The following ABCA13 variants were observed in gnomAD, a reference collection of about 807,000 sequenced individuals.
The protein encoded by ABCA13 is ATP-binding cassette sub-family A member 13.
In ABCA13, 476 loss-of-function variants were observed where a neutral mutation model predicts 478.7. The ratio of observed to expected loss-of-function variants is 0.99; its 90% confidence interval spans 0.92 to 1.07. ABCA13 has a LOEUF of 1.07. Ranked by LOEUF, ABCA13 falls within the 50% of genes least tolerant of loss-of-function variation. The pLI, the probability that ABCA13 is intolerant of heterozygous loss-of-function variation, is 0.00. For synonymous variants in ABCA13, 2,252 were observed against 2,158.9 expected, an observed-to-expected ratio of 1.04 and a Z score of -1.20; for missense variants, 6,060 against 5,910.6, an observed-to-expected ratio of 1.03 and a Z score of -0.83.
At chr7:48,408,594 C>CT (rs1818576239) in intron 39 of ABCA13, among the ~76,000 whole-genome samples, 1 of 152,022 alleles carries the variant, frequency 6.6e-6, no homozygotes, top group Non-Finnish European at 1.5e-5. Context: ...TATTGAAAGT[C>CT]TTAGTCTTTT....
At chr7:48,595,467 T>G (rs1462147506) in intron 58 of ABCA13, among the ~76,000 whole-genome samples, 1 of 152,240 alleles carries the variant, frequency 6.6e-6, no homozygotes, top group Non-Finnish European at 1.5e-5. Context: ...AAATATACTG[T>G]GAATAAGATG....
At chr7:48,350,898 G>T in intron 30 of ABCA13, 79 bp downstream of exon 30, 1 of 1,437,328 alleles carries the variant, frequency 7.0e-7, no homozygotes, top group East Asian at 2.5e-5. Context: ...CTCCCTAAAG[G>T]TGTCTTATGA....
At position 48,516,767 on chromosome 7, in the gene ABCA13, T is replaced by C. The variant is rs773528700; in HGVS notation, c.13683T>C (p.Phe4561=). 6.2e-7 allele frequency: 1 copy of C among 1,613,814 alleles called. No individual in the cohort carries two copies. The highest frequency in any genetic ancestry group is 1.1e-5 in the South Asian group (1 of 91,074). The change falls in exon 52 of 62, where the codon TTT becomes TTC. Residue 4561 remains phenylalanine, a synonymous_variant. Coordinates refer to ENST00000435803, the MANE Select transcript of ABCA13 (RefSeq NM_152701.5). ...LPWMYLMSRI[F]SSSDVAFISY... ...GGATGTACCTGATGTCCAGAATCTTTTCCAGTTCGGACGTGGCTTTCATTT... is the reference window on the plus strand; with the variant it reads ...GGATGTACCTGATGTCCAGAATCTTCTCCAGTTCGGACGTGGCTTTCATTT...
Position 48,466,963 on chromosome 7 carries a change from G to A in ABCA13, c.12823G>A (p.Gly4275Ser), listed in dbSNP as rs764412454. 2.2e-5 allele frequency: 36 copies of A among 1,613,750 alleles called. No homozygotes were observed. Among genetic ancestry groups the A allele is most frequent in the Admixed American group, 6.7e-5 (4 of 59,972 alleles). ...RAETYFFSSG[G>S]DNLDLTRVLL... is the part of the protein sequence containing the mutation. ...TCTCACAATGAACAGCAGCAGTGGG[G>A]GCGACAACTTGGACCTCACCCGTGT... Residue 4275 changes from glycine (G) to serine (S), a missense_variant, in exon 44 of 62, where the codon GGC becomes AGC. By Grantham distance (56) the Gly-to-Ser change is moderately conservative. Coordinates refer to ENST00000435803, the MANE Select transcript of ABCA13 (RefSeq NM_152701.5).
chr7:48,407,628 C>T (rs1014470805), intron 39 of ABCA13, among the ~76,000 whole-genome samples: 3 of 151,982 alleles, frequency 2.0e-5, no homozygotes, highest in Non-Finnish European at 4.4e-5. Context: ...GCAATCTCAG[C>T]TCACTGCAAC....
intron 10 of ABCA13, among the ~76,000 whole-genome samples, chr7:48,243,688 A>G (rs6974746): frequency 0.52 from 78,686 of 152,088 alleles, 21,065 homozygotes; most frequent in East Asian, 0.83. Context: ...CCTGTGTTCA[A>G]CCCCAAACTA....
chr7:48,257,110 G>A (rs547060117), intron 15 of ABCA13, among the ~76,000 whole-genome samples: 106 of 151,912 alleles, frequency 7.0e-4, no homozygotes, highest in Non-Finnish European at 1.1e-3. Flanking sequence ...CTTTCATCTT[G>A]GATATTGTTG....
At chr7:48,497,374 A>G (rs1830366787) in intron 48 of ABCA13, among the ~76,000 whole-genome samples, 1 of 152,202 alleles carries the variant, frequency 6.6e-6, no homozygotes, top group Non-Finnish European at 1.5e-5. Context: ...CATCTTTATG[A>G]TACATATTGT....
At chr7:48,537,066 A>G (rs936266279) in intron 55 of ABCA13, among the ~76,000 whole-genome samples, 4 of 151,924 alleles carry the variant, frequency 2.6e-5, no homozygotes, top group Non-Finnish European at 4.4e-5. Context: ...TTTTATTTCT[A>G]TAAGTTATAT....
At chr7:48,508,121 AG>A in intron 50 of ABCA13, 72 bp downstream of exon 50, 2 of 1,595,636 alleles carry the variant, frequency 1.3e-6, no homozygotes, top group Non-Finnish European at 1.7e-6. Context: ...GGAGGGATGG[AG>A]GGGGGCATTG....
At chr7:48,244,796 A>G (rs1183227163) in intron 11 of ABCA13, 93 bp downstream of exon 11, 3 of 1,453,942 alleles carry the variant, frequency 2.1e-6, no homozygotes, top group Non-Finnish European at 2.8e-6. Context: ...GACACATTGT[A>G]AAGTTGGGAG....
intron 59 of ABCA13, among the ~76,000 whole-genome samples, chr7:48,624,911 C>A (rs1793520687): frequency 6.6e-6 from 1 of 152,020 alleles, no homozygotes; most frequent in South Asian, 2.1e-4. Flanking sequence ...GAAAACACAG[C>A]TTCAAATGAT....
intron 41 of ABCA13, among the ~76,000 whole-genome samples, chr7:48,414,220 GC>G (rs530548202): frequency 1.6e-4 from 25 of 152,288 alleles, no homozygotes; most frequent in African/African-American, 5.1e-4. Flanking sequence ...CGGCGCCTCT[GC>G]AGCGGATTCC....
intron 14 of ABCA13, 41 bp downstream of exon 14, chr7:48,248,485 C>A: frequency 6.9e-7 from 1 of 1,457,190 alleles, no homozygotes. Flanking sequence ...ACAATTGGGA[C>A]ATCAGAATGA....
At chr7:48,181,560 T>C (rs1795699945) in intron 1 of ABCA13, among the ~76,000 whole-genome samples, 1 of 152,020 alleles carries the variant, frequency 6.6e-6, no homozygotes, top group African/African-American at 2.4e-5. Context: ...GTTTTATCTT[T>C]TTTTTTTTAA....
chr7:48,207,790 A>G (rs1178089580), intron 3 of ABCA13, among the ~76,000 whole-genome samples: 16 of 152,104 alleles, frequency 1.1e-4, no homozygotes, highest in African/African-American at 3.6e-4. Flanking sequence ...TTTGCTGTGC[A>G]GAAGCTTTTG....
chr7:48,550,554 T>C lies in ABCA13; in HGVS notation c.14354+22209T>C, dbSNP rs547003425. ...GATTACAGGCGTGAGCCACCAAGCC[T>C]GGTCTCTACTTTCTTTTTTATCTTT... On this transcript the variant is annotated intron_variant, in intron 55 of 61. Transcript: ENST00000435803. Among the ~76,000 whole-genome samples the C allele has an allele frequency of 4.0e-5, 6 of 151,852 alleles. No individual in the cohort carries two copies. In the South Asian group the frequency reaches 1.2e-3, roughly 32 times the overall value.
At chr7:48,640,715 A>G (rs1316593502) in intron 59 of ABCA13, among the ~76,000 whole-genome samples, 3 of 152,216 alleles carry the variant, frequency 2.0e-5, no homozygotes, top group Non-Finnish European at 4.4e-5. Flanking sequence ...TATTGACATA[A>G]CTGTGTATGT....
At chr7:48,582,862 CTG>C (rs1396063281) in intron 56 of ABCA13, among the ~76,000 whole-genome samples, 1 of 152,188 alleles carries the variant, frequency 6.6e-6, no homozygotes, top group Admixed American at 6.5e-5. Flanking sequence ...CTGCACAAAA[CTG>C]TGCAGTGTAC....
Sources: allele counts gnomAD v4.1 joint callset (sites outside exome capture counted in the v4.1 genomes callset), GRCh38; gene constraint gnomAD v4.1.1; transcripts MANE v1.5; gene names NCBI Gene and HGNC (gene_info 2026-07-23, HGNC 2026-07-21).